Variants in FAM53A observed in about 807,000 individuals in gnomAD.
FAM53A encodes family with sequence similarity 53 member A, also known as protein FAM53A.
Under a neutral mutation model 26.6 loss-of-function variants are expected in FAM53A, and 28 were observed. The ratio of observed to expected loss-of-function variants is 1.05; its 90% CI spans 0.78 to 1.45. The LOEUF (loss-of-function observed/expected upper bound fraction) is 1.45, where lower values mean the gene tolerates loss of function less well. Among genes scored for constraint, FAM53A ranks in the 40% most tolerant of loss-of-function variants. The pLI, the probability that FAM53A is intolerant of heterozygous loss-of-function variation, is 0.00. For synonymous variants in FAM53A, 290 were observed against 253.1 expected, an observed-to-expected ratio of 1.15 and a Z score of -1.38; for missense variants, 650 against 575.8, an observed-to-expected ratio of 1.13 and a Z score of -1.32.
intron 1 of FAM53A, among the ~76,000 whole-genome samples, chr4:1,634,375 G>A (rs1379824225): frequency 6.6e-6 from 1 of 152,110 alleles, no homozygotes; most frequent in Non-Finnish European, 1.5e-5. Flanking sequence ...GGAAAGCAGG[G>A]AAGGGGCAGA....
chr4:1,664,230 G>A (rs1272298970), intron 2 of FAM53A, among the ~76,000 whole-genome samples: 1 of 152,194 alleles, frequency 6.6e-6, no homozygotes, highest in African/African-American at 2.4e-5. Context: ...TTTATCTTTT[G>A]GAGATACAGA....
the FAM53A span, among the ~76,000 whole-genome samples, chr4:1,575,149 TG>T: frequency 6.6e-6 from 1 of 152,090 alleles, no homozygotes; most frequent in South Asian, 2.1e-4. Context: ...AAGAGGCAGC[TG>T]GGGGCCACCC....
the FAM53A span, among the ~76,000 whole-genome samples, chr4:1,598,329 C>T: frequency 6.6e-6 from 1 of 152,270 alleles, no homozygotes; most frequent in African/African-American, 2.4e-5. Flanking sequence ...GGGCCAACTC[C>T]AAACGCTGCG....
intron 1 of FAM53A, among the ~76,000 whole-genome samples, chr4:1,681,509 G>A (rs766196642): frequency 6.7e-6 from 1 of 148,788 alleles, no homozygotes; most frequent in East Asian, 2.0e-4. Context: ...CAACAAAGGA[G>A]AAGAAACTCA....
chr4:1,585,276 C>CTTTTTTTTT, the FAM53A span, among the ~76,000 whole-genome samples: 1 of 75,962 alleles, frequency 1.3e-5, no homozygotes, highest in Non-Finnish European at 2.7e-5. Context: ...CTCTCTCTCT[C>CTTTTTTTTT]TTTTTTTTTT....
At chr4:1,618,816 A>C (rs1714906868) in intron 1 of FAM53A, among the ~76,000 whole-genome samples, 1 of 152,120 alleles carries the variant, frequency 6.6e-6, no homozygotes, top group Non-Finnish European at 1.5e-5. Context: ...CCGCACAGAT[A>C]AGCCAGCCCC....
the FAM53A span, among the ~76,000 whole-genome samples, chr4:1,611,699 A>T: frequency 6.6e-6 from 1 of 152,126 alleles, no homozygotes; most frequent in Non-Finnish European, 1.5e-5. Context: ...CTCTGTCCAC[A>T]CGGTGGGCAA....
At chr4:1,637,952 AG>A (rs140973124), downstream of FAM53A, among the ~76,000 whole-genome samples, 30,398 of 151,200 alleles carry the variant, frequency 0.2, 3,614 homozygotes, top group South Asian at 0.28. Context: ...GTCACCCCAG[AG>A]GGCCCTGGGA....
chr4:1,632,010 A>G (rs1715629501), intron 1 of FAM53A, among the ~76,000 whole-genome samples: 1 of 152,018 alleles, frequency 6.6e-6, no homozygotes, highest in African/African-American at 2.4e-5. Context: ...TACAAATACA[A>G]AAAATTATAG....
chr4:1,630,302 T>TTGGTGTTGTGGCCCCCA lies in FAM53A; in HGVS notation c.432-12208_432-12192dup, dbSNP rs1198403568. 3.9e-5 allele frequency among the ~76,000 whole-genome samples: 6 copies of TTGGTGTTGTGGCCCCCA among 152,240 alleles called. No individual in the cohort carries two copies. The highest frequency in any genetic ancestry group is 1.2e-4 in the African/African-American group (5 of 41,464). On this transcript the variant is annotated intron_variant, in intron 1 of 1. Coordinates refer to the FAM53A transcript ENST00000489029. The surrounding 1 kb of genome is among the most constrained non-coding windows in gnomAD (Gnocchi z 4.3). Reference sequence around the variant, plus strand: ...CGTGACCAGGGGGTCAGAGCCCACCTTGGTGTTGTGGCCCCCATGGTGTCT... The same window carrying TTGGTGTTGTGGCCCCCA: ...CGTGACCAGGGGGTCAGAGCCCACCTTGGTGTTGTGGCCCCCATGGTGTTGTGGCCCCCATGGTGTCT...
the FAM53A span, among the ~76,000 whole-genome samples, chr4:1,601,019 GC>G: frequency 6.6e-6 from 1 of 152,070 alleles, no homozygotes; most frequent in Non-Finnish European, 1.5e-5. Flanking sequence ...GCAGGCAGAC[GC>G]CCCCCAGGGC....
chr4:1,681,662 C>G (rs1227894200), intron 1 of FAM53A, among the ~76,000 whole-genome samples: 3 of 151,860 alleles, frequency 2.0e-5, no homozygotes, highest in Non-Finnish European at 2.9e-5. Context: ...ATACCCAGCT[C>G]ATTTTTTATT....
the FAM53A span, among the ~76,000 whole-genome samples, chr4:1,575,978 C>G: frequency 6.6e-6 from 1 of 152,214 alleles, no homozygotes; most frequent in Non-Finnish European, 1.5e-5. Flanking sequence ...CCACACCCCC[C>G]ACCTGCCCGG....
chr4:1,611,726 G>A, the FAM53A span, among the ~76,000 whole-genome samples: 26 of 152,360 alleles, frequency 1.7e-4, no homozygotes, highest in South Asian at 4.2e-4. Flanking sequence ...AGCATGGAGG[G>A]TGAGGGCCCC....
At chr4:1,682,153 T>G (rs1230299486) in intron 1 of FAM53A, among the ~76,000 whole-genome samples, 1 of 152,228 alleles carries the variant, frequency 6.6e-6, no homozygotes, top group Admixed American at 6.5e-5. Context: ...GACACACATT[T>G]TCAAATTATA....
At chr4:1,626,687 C>T (rs559164069) in intron 1 of FAM53A, among the ~76,000 whole-genome samples, 10 of 150,650 alleles carry the variant, frequency 6.6e-5, no homozygotes, top group Admixed American at 4.0e-4. Context: ...GGGGAGGACC[C>T]GGGACAGTGC....
chr4:1,590,977 T>C, the FAM53A span, among the ~76,000 whole-genome samples: 4,361 of 127,856 alleles, frequency 0.034, 476 homozygotes, highest in African/African-American at 0.1. Flanking sequence ...TATATATATA[T>C]ATATATATAT....
At chr4:1,613,227 G>A (rs1042397664), downstream of FAM53A, among the ~76,000 whole-genome samples, 7 of 152,342 alleles carry the variant, frequency 4.6e-5, no homozygotes, top group East Asian at 1.9e-4. Context: ...ACAAAGAACA[G>A]AAAGGTACTG....
intron 1 of FAM53A, among the ~76,000 whole-genome samples, chr4:1,627,205 A>T (rs1715346089): frequency 6.6e-6 from 1 of 152,072 alleles, no homozygotes. Flanking sequence ...AGCACTGGGC[A>T]CTCAGGGCCC....
Sources: allele counts gnomAD v4.1 joint callset (sites outside exome capture counted in the v4.1 genomes callset), GRCh38; gene constraint gnomAD v4.1.1; non-coding constraint Gnocchi (gnomAD v3.1); transcripts MANE v1.5; gene names NCBI Gene and HGNC (gene_info 2026-07-23, HGNC 2026-07-21).